PTK2B: variants seen among roughly 807,000 people sequenced by gnomAD.
PTK2B encodes the protein protein tyrosine kinase 2 beta.
PTK2B carries 71 observed loss-of-function variants against 142.9 expected under a neutral mutation model. The ratio of observed to expected loss-of-function variants is 0.50; its 90% confidence interval spans 0.41 to 0.61. The LOEUF is 0.61. Ranked by LOEUF, PTK2B falls within the 20% of genes least tolerant of loss-of-function variation. The pLI, the probability that PTK2B is intolerant of heterozygous loss-of-function variation, is 0.00. For synonymous variants in PTK2B, 519 were observed against 503.4 expected, an observed-to-expected ratio of 1.03 and a Z score of -0.42; for missense variants, 1,105 against 1,320.4, an observed-to-expected ratio of 0.84 and a Z score of 2.53.
chr8:27,391,959 ACT>A (rs1714630743), intron 1 of PTK2B, among the ~76,000 whole-genome samples: 1 of 152,076 alleles, frequency 6.6e-6, no homozygotes, highest in South Asian at 2.1e-4. Context: ...GTCTCCTCTG[ACT>A]CTGCTCCGAC....
In PTK2B at chr8:27,431,014, A is replaced by G. The variant is rs772887309; in HGVS notation, c.808A>G (p.Ile270Val). 12 of 1,612,856 alleles carry G rather than the reference A, an allele frequency of 7.4e-6. No individual in the cohort carries two copies. The highest frequency in any genetic ancestry group is 6.6e-5 in the South Asian group (6 of 90,980). Residue 270 changes from isoleucine to valine, a missense_variant and splice_region_variant, in exon 8 of 31, where the codon ATT becomes GTT. Ile to Val is a conservative substitution (Grantham distance 29, BLOSUM62 3). Coordinates refer to ENST00000346049, the MANE Select transcript of PTK2B (RefSeq NM_173176.3). ...IDQETYRCEL[I>V]QGWNITVDLV... ...CCAGGAGACCTACCGCTGTGAACTC[A>G]TTGTAATGGCGGGCTCTCTTGATCC...
At chr8:27,437,946 G>C in intron 18 of PTK2B, 66 bp downstream of exon 18, 2 of 1,350,752 alleles carry the variant, frequency 1.5e-6, no homozygotes, top group Non-Finnish European at 2.1e-6. Context: ...AAGGCCTCTG[G>C]GTAGAAGCAG....
intron 12 of PTK2B, 126 bp from the exon 13 acceptor site, chr8:27,434,387 G>C (rs1810638296): frequency 4.2e-6 from 5 of 1,183,542 alleles, no homozygotes; most frequent in Non-Finnish European, 5.9e-6. Flanking sequence ...TGTGCTCCCA[G>C]GTCATTGCTA....
chr8:27,405,473 CA>C (rs1808654651), intron 2 of PTK2B, among the ~76,000 whole-genome samples: 1 of 152,194 alleles, frequency 6.6e-6, no homozygotes, highest in Non-Finnish European at 1.5e-5. Context: ...TGGAAGCACA[CA>C]AGGCTGGTCT....
chr8:27,396,120 C>T (rs1462338943), intron 1 of PTK2B: 3 of 152,204 alleles, frequency 2.0e-5, no homozygotes, highest in Admixed American at 6.5e-5. Flanking sequence ...GTCTGCCTGC[C>T]CCTGACCTGA....
Position 27,458,869 on chromosome 8 carries a change from T to G in PTK2B, c.*360T>G. The G allele has an allele frequency of 2.6e-6, 1 of 388,338 alleles. No individual in the cohort carries two copies. 24.1% of individuals were successfully genotyped at this position (388,338 alleles called of 1,614,324 possible). On this transcript the variant is annotated 3_prime_UTR_variant, in exon 31 of 31. Coordinates refer to ENST00000346049, the MANE Select transcript of PTK2B (RefSeq NM_173176.3). ...TATATATGGACATGGCAGGCCGATT[T>G]GGGAACCAAGCTATTCCTTTCCCTT...
At chr8:27,391,651 G>T (rs1364765256) in intron 1 of PTK2B, among the ~76,000 whole-genome samples, 1 of 152,232 alleles carries the variant, frequency 6.6e-6, no homozygotes, top group Non-Finnish European at 1.5e-5. Flanking sequence ...GGACGTAAAT[G>T]CTGCTTCAGT....
Position 27,458,370 on chromosome 8 carries a change from C to G in PTK2B, c.2891C>G (p.Ala964Gly). The G allele has an allele frequency of 6.2e-7, 1 of 1,613,740 alleles. No individual in the cohort carries two copies. The highest frequency in any genetic ancestry group is 8.5e-7 in the Non-Finnish European group (1 of 1,179,852). Residue 964 changes from alanine to glycine, a missense_variant, in exon 31 of 31, where the codon GCC becomes GGC. Ala to Gly is a moderately conservative substitution (Grantham distance 60). Coordinates refer to ENST00000346049, the MANE Select transcript of PTK2B (RefSeq NM_173176.3). ...AAGATGCGGCTGGCACAGCAGAACG[C>G]CGTGACCTCCCTAAGTGAGGAGTGC... ...INKMRLAQQN[A>G]VTSLSEECKR...
chr8:27,454,374 G>A, intron 29 of PTK2B, 83 bp downstream of exon 29: 2 of 1,568,294 alleles, frequency 1.3e-6, no homozygotes, highest in Non-Finnish European at 1.7e-6. Flanking sequence ...CTGTTGGCTG[G>A]CCCAGCAGAT....
intron 23 of PTK2B, among the ~76,000 whole-genome samples, chr8:27,445,253 T>TA (rs893734293): frequency 1.3e-5 from 2 of 151,820 alleles, no homozygotes; most frequent in African/African-American, 4.8e-5. Flanking sequence ...ATTTTTTAAT[T>TA]AAAAAAAATT....
intron 1 of PTK2B, among the ~76,000 whole-genome samples, chr8:27,339,215 C>T (rs1240828473): frequency 6.6e-6 from 1 of 152,200 alleles, no homozygotes; most frequent in East Asian, 1.9e-4. Flanking sequence ...TTGTAAGTCA[C>T]CAGAGTGGGA....
rs564595057 is a variant in PTK2B at position 27,435,901 on chromosome 8, C to A, written c.1243+108C>A. ...ACATTCTTTTCCTCCTTTATCCTCC[C>A]TTCGTGCTAGACTTAGACAGTGGCA... is the stretch of plus-strand genomic sequence containing the variant. On this transcript the variant is annotated intron_variant, in intron 14 of 30. Coordinates refer to ENST00000346049, the MANE Select transcript of PTK2B (RefSeq NM_173176.3). 3.0e-5 allele frequency: 42 copies of A among 1,383,702 alleles called. No homozygotes were observed. In the East Asian group the frequency reaches 9.4e-4, roughly 31 times the overall value. 85.7% of individuals were successfully genotyped at this position (1,383,702 alleles called of 1,614,324 possible).
At chr8:27,310,855 G>C, upstream of PTK2B, 1 of 1,609,982 alleles carries the variant, frequency 6.2e-7, no homozygotes, top group Non-Finnish European at 8.5e-7. Context: ...CCTGGTGTCG[G>C]GGGTCGGCCT....
chr8:27,368,076 G>T (rs917338368), intron 1 of PTK2B, among the ~76,000 whole-genome samples: 1 of 152,242 alleles, frequency 6.6e-6, no homozygotes, highest in African/African-American at 2.4e-5. Context: ...GGCCTCTGTG[G>T]GCCCAAACCC....
chr8:27,448,929 T>C (rs1384989830), intron 24 of PTK2B, among the ~76,000 whole-genome samples: 2 of 152,240 alleles, frequency 1.3e-5, no homozygotes, highest in Admixed American at 6.5e-5. Context: ...TATGCTGGAA[T>C]TTGTTTTCCT....
intron 1 of PTK2B, among the ~76,000 whole-genome samples, chr8:27,337,643 G>A (rs922556291): frequency 4.6e-5 from 7 of 152,168 alleles, no homozygotes; most frequent in Non-Finnish European, 1.0e-4. Context: ...CTTTCACTTA[G>A]CACAATGTTT....
intron 1 of PTK2B, among the ~76,000 whole-genome samples, chr8:27,343,722 A>T (rs1287727212): frequency 6.6e-6 from 1 of 152,180 alleles, no homozygotes; most frequent in Non-Finnish European, 1.5e-5. Context: ...TTCTTTCGCC[A>T]GGCGTGCTGG....
intron 1 of PTK2B, among the ~76,000 whole-genome samples, chr8:27,372,461 A>AG (rs980533323): frequency 2.0e-5 from 3 of 152,170 alleles, no homozygotes; most frequent in East Asian, 1.9e-4. Context: ...CTTACTCAGC[A>AG]GGGGGGTCAG....
At chr8:27,433,911 G>A (rs1205885168) in intron 11 of PTK2B, among the ~76,000 whole-genome samples, 182 bp from the exon 12 acceptor site, 1 of 152,228 alleles carries the variant, frequency 6.6e-6, no homozygotes, top group Non-Finnish European at 1.5e-5. Context: ...TCTGGCCTGA[G>A]GCAGCCTCCA....
Sources: gnomAD v4.1 joint callset for allele counts (sites outside exome capture counted in the v4.1 genomes callset) on GRCh38, gnomAD v4.1.1 for gene constraint, MANE v1.5 for transcripts, NCBI Gene and HGNC (gene_info 2026-07-23, HGNC 2026-07-21) for gene names.